SAGE1: variants seen among roughly 807,000 people sequenced by gnomAD.
SAGE1 encodes sarcoma antigen 1, also known as cancer/testis antigen 14.
In SAGE1, 55 loss-of-function variants were observed where a neutral mutation model predicts 55.4. The observed-to-expected ratio is 0.99, with a 90% confidence interval of 0.80 to 1.24. The LOEUF is 1.24. SAGE1 is among the 50% of genes most tolerant of loss of function. The pLI is 0.00. For missense variants in SAGE1, 710 were observed against 704.4 expected, an observed-to-expected ratio of 1.01 and a Z score of -0.09; for synonymous variants, 240 against 244.3, an observed-to-expected ratio of 0.98 and a Z score of 0.17.
At chrX:135,900,951 C>A (rs1382619492) in intron 2 of SAGE1, among the ~76,000 whole-genome samples, 3 of 109,487 alleles carry the variant, frequency 2.7e-5, no homozygotes, top group African/African-American at 1.0e-4. Flanking sequence ...TCAAGACCAT[C>A]CTGGCTAACA....
intron 1 of SAGE1, 55 bp from the exon 2 acceptor site, chrX:135,896,188 T>C (rs1184483340): frequency 2.3e-6 from 2 of 886,674 alleles, no homozygotes; most frequent in Non-Finnish European, 3.3e-6. Flanking sequence ...ACGTTCCAGT[T>C]ATAAATCAAA....
chrX:135,911,127 G>T, intron 16 of SAGE1, 65 bp from the exon 17 acceptor site: 1 of 1,126,199 alleles, frequency 8.9e-7, no homozygotes, highest in South Asian at 2.0e-5. Flanking sequence ...GCATCAGCAG[G>T]ATATCCCTGT....
chrX:135,905,280 A>G lies in SAGE1; in HGVS notation c.342A>G (p.Glu114=), dbSNP rs1187815005. 3.3e-6 allele frequency: 4 copies of G among 1,207,713 alleles called. No homozygotes were observed. The highest frequency in any genetic ancestry group is 4.5e-6 in the Non-Finnish European group (4 of 893,541). ...PDATIAHNIR[E]ERMENGQSRT... is the part of the protein sequence containing the mutation. ...CTACCATCGCTCACAATATCCGTGA[A>G]GAGAGGATGGAAAATGGCCAATCTC... Residue 114 remains glutamate (E), a synonymous_variant, in exon 5 of 20, where the codon GAA becomes GAG. Transcript: ENST00000370709.
chrX:135,908,481 T>C lies in SAGE1; in HGVS notation c.1305T>C (p.Ala435=). 1 of 1,200,248 alleles carries C rather than the reference T, an allele frequency of 8.3e-7. No individual in the cohort carries two copies. Among genetic ancestry groups the C allele is most frequent in the Non-Finnish European group, 1.1e-6 (1 of 891,511 alleles). ...IPPMSTRDQY[A]TVNHHVHEAR... ...ACCTCTTTATTTGGTTTCTAGATGC[T>C]ACCGTCAATCACCATGTCCATGAAG... is the stretch of plus-strand genomic sequence containing the variant. Residue 435 remains alanine (A), a synonymous_variant, in exon 12 of 20, where the codon GCT becomes GCC. Coordinates refer to ENST00000370709, the MANE Select transcript of SAGE1 (RefSeq NM_001381902.1).
intron 17 of SAGE1, 108 bp downstream of exon 17, chrX:135,911,440 T>C: frequency 2.2e-6 from 2 of 926,194 alleles, no homozygotes; most frequent in Non-Finnish European, 3.1e-6. Flanking sequence ...AAACTTAGTT[T>C]GAGGGGTCTT....
rs1556593774 is a variant in SAGE1 at position 135,896,324 on chromosome X, G to A, written c.82G>A (p.Gly28Arg). The change falls in exon 2 of 20, where the codon GGG becomes AGG. Residue 28 changes from glycine to arginine, a missense_variant. By Grantham distance (125) the Gly-to-Arg change is moderately radical. Transcript: ENST00000370709. ...HAAAYVFTNDGQQMRSDEVNL... is the reference protein window; with the variant it reads ...HAAAYVFTNDRQQMRSDEVNL... The stretch of plus-strand genomic sequence containing the variant: ...TGCTGCCTATGTGTTTACAAATGAT[G>A]GGCAGGTAAGATAACTCTTTCTATT... 2 of 1,172,046 alleles carry A rather than the reference G, an allele frequency of 1.7e-6. No individual in the cohort carries two copies. The highest frequency in any genetic ancestry group is 1.2e-6 in the Non-Finnish European group (1 of 860,526).
intron 19 of SAGE1, 163 bp from the exon 20 acceptor site, chrX:135,912,635 C>T: frequency 1.3e-6 from 1 of 749,299 alleles, no homozygotes; most frequent in Non-Finnish European, 1.6e-6. Context: ...TATGTGGGCC[C>T]TCAGTTGACT....
chrX:135,899,211 A>G (rs1297438920), intron 2 of SAGE1, among the ~76,000 whole-genome samples: 2 of 111,867 alleles, frequency 1.8e-5, no homozygotes, highest in African/African-American at 6.5e-5. Context: ...TTTTGCATAC[A>G]GCTAGCCAGT....
Position 135,911,895 on chromosome X carries a change from G to T in SAGE1, c.2463G>T (p.Lys821Asn), listed in dbSNP as rs4829584. The T allele has an allele frequency of 2.5e-6, 3 of 1,209,869 alleles. No individual in the cohort carries two copies. The highest frequency in any genetic ancestry group is 1.7e-5 in the African/African-American group (1 of 57,781). The change falls in exon 18 of 20, where the codon AAG becomes AAT. Residue 821 changes from lysine to asparagine, a missense_variant. Lys to Asn is a moderately conservative substitution (Grantham distance 94). Transcript: ENST00000370709. ...CACAAATATCTCCTGCCATGGCAAA[G>T]AAAATTAATGATGATATAAAATATC... ...NTPQISPAMA[K>N]KINDDIKYQL... is the part of the protein sequence containing the mutation.
Position 135,908,814 on chromosome X carries a change from T to C in SAGE1, c.1442-50T>C, listed in dbSNP as rs781784098. 3 of 1,184,673 alleles carry C rather than the reference T, an allele frequency of 2.5e-6. No homozygotes were observed. In the South Asian group the frequency reaches 5.6e-5, roughly 22 times the overall value. On this transcript the variant is annotated intron_variant, in intron 12 of 19. Transcript: ENST00000370709. ...TCATCAGTGGGATATATCGGTGGGG[T>C]TGACATAATGCACGTACCTCACAGC...
chrX:135,898,330 T>C lies in SAGE1; in HGVS notation c.87+2001T>C, dbSNP rs565726047. Among the ~76,000 whole-genome samples, 6 of 112,797 alleles carry C rather than the reference T, an allele frequency of 5.3e-5. No individual in the cohort carries two copies. In the South Asian group the frequency reaches 2.2e-3, roughly 41 times the overall value. ...CACCGCACCCGGCCGATCTCATTCC[T>C]TTTTATGGCTGCATAGTATTCCGTG... On this transcript the variant is annotated intron_variant, in intron 2 of 19. Transcript: ENST00000370709.
rs1399673887 is a variant in SAGE1 at position 135,905,256 on chromosome X, T to C, written c.318T>C (p.Ala106=). The C allele has an allele frequency of 2.5e-6, 3 of 1,206,735 alleles. No homozygotes were observed. The highest frequency in any genetic ancestry group is 3.4e-6 in the Non-Finnish European group (3 of 892,944). ...ACCTGTTCCATCGGTTTCCAGATGC[T>C]ACCATCGCTCACAATATCCGTGAAG... ...VLSTAPPWPD[A]TIAHNIREER... Residue 106 remains alanine, a synonymous_variant, in exon 5 of 20, where the codon GCT becomes GCC. Coordinates refer to ENST00000370709, the MANE Select transcript of SAGE1 (RefSeq NM_001381902.1).
chrX:135,910,330 C>T (rs1311753186), intron 15 of SAGE1, 85 bp from the exon 16 acceptor site: 1 of 1,093,712 alleles, frequency 9.1e-7, no homozygotes, highest in Non-Finnish European at 1.3e-6. Context: ...GAGATAATTT[C>T]CTAGATACTG....
rs781933103 is a variant in SAGE1, at chrX:135,910,429, C to CTGCAGTTGTGAGT, written c.1879_1880insTGCAGTTGTGAGT (p.His627LeufsTer4). ...TTTGTTTCCAGATGCTGCAGTCACT[C>CTGCAGTTGTGAGT]ACAACATCCGTGAAGAGAAGATAAA... is the stretch of plus-strand genomic sequence containing the variant. On this transcript the variant is annotated stop_gained and frameshift_variant, in exon 16 of 20. Coordinates refer to ENST00000370709, the MANE Select transcript of SAGE1 (RefSeq NM_001381902.1). LOFTEE classifies it high-confidence loss of function. The CTGCAGTTGTGAGT allele has an allele frequency of 1.7e-6, 2 of 1,210,576 alleles. No individual in the cohort carries two copies. The highest frequency in any genetic ancestry group is 3.5e-5 in the South Asian group (2 of 56,859).
chrX:135,894,049 A>G (rs1182327180), intron 1 of SAGE1, among the ~76,000 whole-genome samples: 2 of 111,036 alleles, frequency 1.8e-5, no homozygotes, highest in Non-Finnish European at 3.8e-5. Flanking sequence ...TCTACTTATT[A>G]TTTATTTATT....
chrX:135,896,800 T>C (rs1344769026), intron 2 of SAGE1, among the ~76,000 whole-genome samples: 3 of 111,034 alleles, frequency 2.7e-5, no homozygotes, highest in African/African-American at 9.8e-5. Flanking sequence ...CCTCAGGTGA[T>C]CCGCCCACCT....
intron 2 of SAGE1, among the ~76,000 whole-genome samples, chrX:135,898,018 AT>A (rs782552460): frequency 2.7e-5 from 3 of 110,490 alleles, no homozygotes; most frequent in Admixed American, 1.9e-4. Flanking sequence ...TTCCTTTTTT[AT>A]TTTTTTTCTT....
intron 3 of SAGE1, among the ~76,000 whole-genome samples, chrX:135,902,157 A>T (rs1420768974): frequency 7.3e-5 from 8 of 109,693 alleles, no homozygotes; most frequent in African/African-American, 2.7e-4. Context: ...CTCCCTTCCC[A>T]CCTCTAAATA....
chrX:135,910,020 T>C lies in SAGE1; in HGVS notation c.1724-10T>C. On this transcript the variant is annotated splice_polypyrimidine_tract_variant and intron_variant, in intron 14 of 19. Transcript: ENST00000370709. ...TAACTCAAAACTTAACCTCTTTATT[T>C]CTGTTCCAGATGCTACCGTCACTCA... 1.7e-6 allele frequency: 2 copies of C among 1,206,770 alleles called. No homozygotes were observed. The highest frequency in any genetic ancestry group is 4.6e-4 in the Middle Eastern group (2 of 4,321).
Sources: gnomAD v4.1 joint callset for allele counts (sites outside exome capture counted in the v4.1 genomes callset) on GRCh38, gnomAD v4.1.1 for gene constraint, MANE v1.5 for transcripts, NCBI Gene and HGNC (gene_info 2026-07-23, HGNC 2026-07-21) for gene names.